The following AFAP1 variants were observed in gnomAD, a reference collection of about 807,000 sequenced individuals.
AFAP1 encodes the protein actin filament associated protein 1, also known as actin filament-associated protein 1.
In AFAP1, 75 loss-of-function variants were observed where a neutral mutation model predicts 93.9. The observed-to-expected ratio is 0.80, with a 90% CI of 0.66 to 0.97. The LOEUF is 0.97. Ranked by LOEUF, AFAP1 falls within the 50% of genes least tolerant of loss-of-function variation. The pLI is 0.00. For synonymous variants in AFAP1, 517 were observed against 430.7 expected, an observed-to-expected ratio of 1.20 and a Z score of -2.48; for missense variants, 1,201 against 1,050.8, an observed-to-expected ratio of 1.14 and a Z score of -1.98.
intron 4 of AFAP1, among the ~76,000 whole-genome samples, chr4:7,844,756 C>T (rs1245948804): frequency 6.6e-6 from 1 of 152,244 alleles, no homozygotes. Context: ...AATACCAGCG[C>T]CCGTCATTCC....
At chr4:7,916,416 C>T (rs1720086899) in intron 1 of AFAP1, among the ~76,000 whole-genome samples, 2 of 152,204 alleles carry the variant, frequency 1.3e-5, no homozygotes, top group African/African-American at 2.4e-5. Context: ...TCTGATTGCA[C>T]TCACTTGCGT....
At chr4:7,769,597 G>A (rs910434924) in intron 16 of AFAP1, among the ~76,000 whole-genome samples, 3 of 152,040 alleles carry the variant, frequency 2.0e-5, no homozygotes, top group Non-Finnish European at 2.9e-5. Flanking sequence ...CTGAGCTGCC[G>A]AGGCCCCCAT....
In AFAP1 at chr4:7,905,672, T is replaced by C. The variant is rs545396566; in HGVS notation, c.-2-33592A>G. Among the ~76,000 whole-genome samples, 13 of 152,328 alleles carry C rather than the reference T, an allele frequency of 8.5e-5. No individual in the cohort carries two copies. In the East Asian group the frequency reaches 1.4e-3, roughly 16 times the overall value. On this transcript the variant is annotated intron_variant, in intron 1 of 17. Coordinates refer to ENST00000420658, the MANE Select transcript of AFAP1 (RefSeq NM_001134647.2). ...ATTTAGGCCATGAGCACTGACTGCA[T>C]GTCTGCTGCAGCCAGGACTCCAAGG... is the stretch of plus-strand genomic sequence containing the variant.
intron 1 of AFAP1, among the ~76,000 whole-genome samples, chr4:7,889,668 A>G (rs1718334453): frequency 6.7e-6 from 1 of 150,216 alleles, no homozygotes; most frequent in South Asian, 2.1e-4. Context: ...TTTATTGTAC[A>G]TCAACTGTAC....
chr4:7,862,322 G>A (rs1325501708), intron 3 of AFAP1: 1 of 143,286 alleles, frequency 7.0e-6, no homozygotes, highest in African/African-American at 2.6e-5. Context: ...AACAGAATGA[G>A]ACTCTGTCTC....
At chr4:7,841,260 C>A (rs1382367204) in intron 5 of AFAP1, among the ~76,000 whole-genome samples, 1 of 152,010 alleles carries the variant, frequency 6.6e-6, no homozygotes, top group African/African-American at 2.4e-5. Flanking sequence ...GGCTGGAAGG[C>A]CCCATCACAG....
chr4:7,894,882 G>A (rs867667536), intron 1 of AFAP1, among the ~76,000 whole-genome samples: 1 of 152,184 alleles, frequency 6.6e-6, no homozygotes, highest in African/African-American at 2.4e-5. Context: ...AAGGGCCATG[G>A]GCTGATCTCC....
chr4:7,906,074 A>C (rs2149221293), intron 1 of AFAP1, among the ~76,000 whole-genome samples: 1 of 152,180 alleles, frequency 6.6e-6, no homozygotes, highest in East Asian at 1.9e-4. Flanking sequence ...CCTCCCAAGA[A>C]CCTCTCTCCA....
intron 1 of AFAP1, among the ~76,000 whole-genome samples, chr4:7,932,679 T>C (rs1721142198): frequency 6.6e-6 from 1 of 152,174 alleles, no homozygotes; most frequent in South Asian, 2.1e-4. Flanking sequence ...TCTCCACTGC[T>C]ATAAACCTCA....
chr4:7,892,700 C>T (rs1208086147), intron 1 of AFAP1, among the ~76,000 whole-genome samples: 1 of 152,054 alleles, frequency 6.6e-6, no homozygotes, highest in Non-Finnish European at 1.5e-5. Flanking sequence ...AACACGAACC[C>T]CCAAGACTCA....
In AFAP1 at chr4:7,778,823, C is replaced by A; in HGVS notation, c.1836G>T (p.Lys612Asn). 1 of 1,614,224 alleles carries A rather than the reference C, an allele frequency of 6.2e-7. No homozygotes were observed. The highest frequency in any genetic ancestry group is 8.5e-7 in the Non-Finnish European group (1 of 1,180,038). ...CTTTCTTTGGCTGACTGCTCAGAGTCTTCCCTTTTCCTGTGACCCCATTAG... is the reference window on the plus strand; with the variant it reads ...CTTTCTTTGGCTGACTGCTCAGAGTATTCCCTTTTCCTGTGACCCCATTAG... ...VASNGVTGKGKTLSSQPKKAD... is the reference protein window; with the variant it reads ...VASNGVTGKGNTLSSQPKKAD... Residue 612 changes from lysine (K) to asparagine (N), a missense_variant, in exon 14 of 18, where the codon AAG becomes AAT. Physicochemically the swap from Lys to Asn is moderately conservative, Grantham distance 94. Transcript: ENST00000420658.
intron 1 of AFAP1, among the ~76,000 whole-genome samples, chr4:7,903,945 T>C (rs541715540): frequency 1.0e-4 from 15 of 147,472 alleles, no homozygotes; most frequent in African/African-American, 4.0e-4. Context: ...AATGGTTTAA[T>C]GTCTTTTTTT....
At chr4:7,792,828 T>A (rs867319857) in intron 11 of AFAP1, among the ~76,000 whole-genome samples, 9 of 152,316 alleles carry the variant, frequency 5.9e-5, no homozygotes, top group Middle Eastern at 6.8e-3. Flanking sequence ...ACATCTTAAG[T>A]GAAACCAGCA....
intron 12 of AFAP1, among the ~76,000 whole-genome samples, chr4:7,784,138 G>C (rs911376162): frequency 2.0e-5 from 3 of 152,148 alleles, no homozygotes; most frequent in Non-Finnish European, 2.9e-5. Context: ...CCTACCCAGG[G>C]GTGGAGTGCT....
intron 1 of AFAP1, among the ~76,000 whole-genome samples, chr4:7,929,595 C>G (rs1167576744): frequency 2.6e-5 from 4 of 152,198 alleles, no homozygotes; most frequent in African/African-American, 7.2e-5. Context: ...GAAGCATGTG[C>G]TCCCTCTGCA....
intron 1 of AFAP1, among the ~76,000 whole-genome samples, chr4:7,932,094 G>C (rs140343761): frequency 0.011 from 1,711 of 151,970 alleles, 36 homozygotes; most frequent in African/African-American, 0.039. Context: ...TCCTGACCTC[G>C]TGATCCACCC....
chr4:7,871,614 T>C (rs1330523123), intron 2 of AFAP1, among the ~76,000 whole-genome samples: 1 of 152,228 alleles, frequency 6.6e-6, no homozygotes, highest in East Asian at 1.9e-4. Context: ...CCAGTCGGAC[T>C]GTGCATCCTC....
At chr4:7,822,586 CTTTT>C (rs5855982) in intron 6 of AFAP1, among the ~76,000 whole-genome samples, 121 of 132,548 alleles carry the variant, frequency 9.1e-4, no homozygotes, top group Admixed American at 4.8e-3. Context: ...TTTCTTTTTT[CTTTT>C]TTTTTTTTTT....
rs150695485 is a variant in AFAP1, at chr4:7,845,687, G to A, written c.335-2337C>T. ...GCCCACAGGTGGGTCGTTCTCACTG[G>A]CTCCACATCCCCCTCCAACACACCC... is the stretch of plus-strand genomic sequence containing the variant. On this transcript the variant is annotated intron_variant, in intron 4 of 17. Transcript: ENST00000420658. Among the ~76,000 whole-genome samples, 3 of 152,050 alleles carry A rather than the reference G, an allele frequency of 2.0e-5. No individual in the cohort carries two copies. In the East Asian group the frequency reaches 5.8e-4, roughly 29 times the overall value.
Sources: allele counts gnomAD v4.1 joint callset (sites outside exome capture counted in the v4.1 genomes callset), GRCh38; gene constraint gnomAD v4.1.1; transcripts MANE v1.5; gene names NCBI Gene and HGNC (gene_info 2026-07-23, HGNC 2026-07-21).